The following GRM7 variants were observed in gnomAD, a reference collection of about 807,000 sequenced individuals.
GRM7 encodes metabotropic glutamate receptor 7.
A neutral mutation model predicts 84.5 loss-of-function variants in GRM7; 35 were observed. That is an observed-to-expected ratio of 0.41 (90% CI 0.32 to 0.55). The LOEUF is 0.55. Among genes scored for constraint, GRM7 ranks in the 20% least tolerant of loss-of-function variants. GRM7 has a pLI of 0.19. For synonymous variants in GRM7, 487 were observed against 455.1 expected (o/e 1.07, Z -0.89); for missense variants, 1,003 against 1,194.6 (o/e 0.84, Z 2.36).
At chr3:7,467,852 A>G (rs1698526322) in intron 7 of GRM7, among the ~76,000 whole-genome samples, 1 of 152,128 alleles carries the variant, frequency 6.6e-6, no homozygotes, top group Non-Finnish European at 1.5e-5. Context: ...TGTGCCCAGG[A>G]TGGAAAAGAA....
At chr3:7,421,159 G>A (rs1231649619) in intron 5 of GRM7, among the ~76,000 whole-genome samples, 1 of 152,078 alleles carries the variant, frequency 6.6e-6, no homozygotes, top group African/African-American at 2.4e-5. Context: ...TTATCTTCTT[G>A]TATTATTTAA....
chr3:6,945,529 G>T (rs1698040223), intron 1 of GRM7, among the ~76,000 whole-genome samples: 1 of 152,040 alleles, frequency 6.6e-6, no homozygotes, highest in Non-Finnish European at 1.5e-5. Context: ...ACATACATGT[G>T]CATGTGTCTT....
intron 5 of GRM7, among the ~76,000 whole-genome samples, chr3:7,431,203 C>T (rs1418978201): frequency 6.6e-6 from 1 of 152,116 alleles, no homozygotes; most frequent in Non-Finnish European, 1.5e-5. Flanking sequence ...CTAGTCTGTA[C>T]AATCAGTAGA....
At chr3:6,956,911 C>A (rs1308054224) in intron 1 of GRM7, among the ~76,000 whole-genome samples, 2 of 152,080 alleles carry the variant, frequency 1.3e-5, no homozygotes, top group African/African-American at 2.4e-5. Context: ...CAAATATAAA[C>A]TCAATTAAAA....
intron 1 of GRM7, among the ~76,000 whole-genome samples, chr3:6,981,568 T>A (rs1387704739): frequency 6.6e-6 from 1 of 152,188 alleles, no homozygotes; most frequent in African/African-American, 2.4e-5. Flanking sequence ...TTCCTGCTGA[T>A]GGAGGGAAGG....
chr3:7,525,296 G>T (rs141889085), intron 7 of GRM7, among the ~76,000 whole-genome samples: 60 of 152,094 alleles, frequency 3.9e-4, no homozygotes, highest in African/African-American at 1.3e-3. Flanking sequence ...TGTGGTACAC[G>T]TGTCGGAATT....
chr3:7,102,507 T>C (rs922438519), intron 1 of GRM7, among the ~76,000 whole-genome samples: 1 of 151,776 alleles, frequency 6.6e-6, no homozygotes, highest in African/African-American at 2.4e-5. Flanking sequence ...CTCATACCTA[T>C]GGTATGATGT....
chr3:7,208,455 T>G (rs1295726507), intron 2 of GRM7, among the ~76,000 whole-genome samples: 2 of 152,166 alleles, frequency 1.3e-5, no homozygotes, highest in Non-Finnish European at 2.9e-5. Context: ...CAGCCTTGGT[T>G]TTCTCATCTG....
chr3:7,053,674 T>G (rs1697095508), intron 1 of GRM7, among the ~76,000 whole-genome samples: 1 of 151,668 alleles, frequency 6.6e-6, no homozygotes. Flanking sequence ...TGAATTGACC[T>G]TGTATGAAGG....
At chr3:7,642,549 T>C (rs1227530909) in intron 8 of GRM7, among the ~76,000 whole-genome samples, 1 of 152,190 alleles carries the variant, frequency 6.6e-6, no homozygotes, top group Non-Finnish European at 1.5e-5. Flanking sequence ...CAAGTAAGTC[T>C]AAATACAGTG....
intron 1 of GRM7, among the ~76,000 whole-genome samples, chr3:7,060,800 A>T (rs899719459): frequency 6.6e-6 from 1 of 151,824 alleles, no homozygotes; most frequent in African/African-American, 2.4e-5. Flanking sequence ...AAGGTAGGAA[A>T]GAATAAAATA....
intron 1 of GRM7, among the ~76,000 whole-genome samples, chr3:7,011,970 T>C (rs1532542): frequency 0.26 from 39,404 of 152,050 alleles, 5,997 homozygotes; most frequent in African/African-American, 0.42. Flanking sequence ...AAGAGAGTGT[T>C]CTTCTCAAAT....
chr3:7,008,952 A>AGGGCCTAACCCCCTAG (rs1695276567), intron 1 of GRM7, among the ~76,000 whole-genome samples: 1 of 152,216 alleles, frequency 6.6e-6, no homozygotes. Flanking sequence ...ACTATCTCAT[A>AGGGCCTAACCCCCTAG]AAATGTATGT....
chr3:6,869,597 A>G (rs548098050), intron 1 of GRM7, among the ~76,000 whole-genome samples: 1 of 152,030 alleles, frequency 6.6e-6, no homozygotes, highest in East Asian at 1.9e-4. Flanking sequence ...CTATCTATCT[A>G]TCTATGGAGA....
At chr3:7,228,753 G>A (rs1697065350) in intron 2 of GRM7, among the ~76,000 whole-genome samples, 1 of 152,168 alleles carries the variant, frequency 6.6e-6, no homozygotes, top group South Asian at 2.1e-4. Context: ...TCTACTACCA[G>A]AGGTGGGATA....
chr3:7,121,553 C>T (rs1693221445), intron 1 of GRM7, among the ~76,000 whole-genome samples: 2 of 152,178 alleles, frequency 1.3e-5, no homozygotes, highest in African/African-American at 2.4e-5. Flanking sequence ...ATTCTTACAA[C>T]CAAAGCTTCA....
Position 7,026,373 on chromosome 3 carries a change from G to A in GRM7, c.520-120079G>A, listed in dbSNP as rs535249519. Among the ~76,000 whole-genome samples the A allele has an allele frequency of 9.2e-4, 140 of 152,294 alleles. 1 individual carries two copies. The highest frequency in any genetic ancestry group is 1.0e-3 in the Non-Finnish European group (69 of 68,018). ...AGCTTTCTTCATCACATTCAAGGGA[G>A]AATGACCAAATCCTTAATAAAATGC... On this transcript the variant is annotated intron_variant, in intron 1 of 9. Coordinates refer to ENST00000357716, the MANE Select transcript of GRM7 (RefSeq NM_000844.4).
At chr3:7,275,882 C>G (rs1371301194) in intron 2 of GRM7, among the ~76,000 whole-genome samples, 1 of 152,054 alleles carries the variant, frequency 6.6e-6, no homozygotes, top group African/African-American at 2.4e-5. Flanking sequence ...GAGTGTCTGT[C>G]TCTCAGATTT....
At chr3:7,028,525 AT>A (rs1696063620) in intron 1 of GRM7, among the ~76,000 whole-genome samples, 1 of 152,216 alleles carries the variant, frequency 6.6e-6, no homozygotes, top group Non-Finnish European at 1.5e-5. Context: ...AGAGTACCAG[AT>A]TTATCCTCTT....
Sources: gnomAD v4.1 joint callset for allele counts (sites outside exome capture counted in the v4.1 genomes callset) on GRCh38, gnomAD v4.1.1 for gene constraint, MANE v1.5 for transcripts, NCBI Gene and HGNC (gene_info 2026-07-23, HGNC 2026-07-21) for gene names.